Variants in PLTP observed in about 807,000 individuals in gnomAD.
PLTP encodes the protein BPI fold containing family E.
A neutral mutation model predicts 54.1 loss-of-function variants in PLTP; 43 were observed. The ratio of observed to expected loss-of-function variants is 0.79; its 90% confidence interval spans 0.62 to 1.02. The LOEUF is 1.02. Ranked by LOEUF, PLTP falls within the 50% of genes least tolerant of loss-of-function variation. The probability of loss-of-function intolerance (pLI) is 0.00; values close to 1 mark genes in which losing one functional copy is unlikely to be tolerated. For missense variants in PLTP, 604 were observed against 645.9 expected (o/e 0.94, Z 0.70); for synonymous variants, 263 against 264.6 (o/e 0.99, Z 0.06).
intron 4 of PLTP, 84 bp downstream of exon 4, chr20:45,909,858 G>A (rs553075017): frequency 1.9e-6 from 3 of 1,552,140 alleles, no homozygotes; most frequent in South Asian, 2.2e-5. Flanking sequence ...AACTCAGGAA[G>A]GCTAAGGGGG....
In PLTP at chr20:45,907,110, G is replaced by T. The variant is rs1322442821; in HGVS notation, c.613+582C>A. 3.4e-4 allele frequency among the ~76,000 whole-genome samples: 43 copies of T among 126,474 alleles called. 2 individuals carry two copies. Among genetic ancestry groups the T allele is most frequent in the Non-Finnish European group, 5.1e-4 (27 of 52,776 alleles). 83.0% of individuals were successfully genotyped at this position (126,474 alleles called of 152,430 possible). On this transcript the variant is annotated intron_variant, in intron 7 of 15. Transcript: ENST00000372431. ...TTGGGAGGCCAAGGTGGGCAGATCA[G>T]GAGGTCAGGAGATCGAGACCATCCC...
chr20:45,900,847 A>G (rs1265685777), intron 12 of PLTP, among the ~76,000 whole-genome samples: 3 of 152,188 alleles, frequency 2.0e-5, no homozygotes, highest in Non-Finnish European at 1.5e-5. Context: ...TAAAAAGTTA[A>G]TATTAGTAAA....
Position 45,906,340 on chromosome 20 carries a change from C to T in PLTP, c.633G>A (p.Glu211=), listed in dbSNP as rs2083238404. 6.2e-7 allele frequency: 1 copy of T among 1,613,902 alleles called. No individual in the cohort carries two copies. The highest frequency in any genetic ancestry group is 2.2e-5 in the East Asian group (1 of 44,868). ...DTVPVRSSVD[E]LVGIDYSLMK... The stretch of plus-strand genomic sequence containing the variant: ...TGAGGGAATAGTCAATGCCAACAAG[C>T]TCGTCCACAGAACTGCGCACTGCAG... Residue 211 remains glutamate, a synonymous_variant, in exon 8 of 16, where the codon GAG becomes GAA. Coordinates refer to ENST00000372431, the MANE Select transcript of PLTP (RefSeq NM_006227.4).
In PLTP at chr20:45,909,536, C is replaced by T. The variant is rs559294797; in HGVS notation, c.465G>A (p.Ala155=). 1.1e-4 allele frequency: 184 copies of T among 1,614,142 alleles called. 1 individual carries two copies. The South Asian group carries it at 1.7e-3, about 15-fold the overall frequency. The stretch of plus-strand genomic sequence containing the variant: ...CTTACTTGAAGGTTCCCCCGAAGGC[C>T]GCGTGCATTCTGGAGACAGAGGCCT... ...SCQASVSRMH[A]AFGGTFKKVY... The change falls in exon 5 of 16, where the codon GCG becomes GCA. Residue 155 remains alanine (A), a synonymous_variant. Transcript: ENST00000372431.
At position 45,911,196 on chromosome 20, in the gene PLTP, C is replaced by G. The variant is rs1804163; in HGVS notation, c.156G>C (p.Pro52=). 6.2e-7 allele frequency: 1 copy of G among 1,614,148 alleles called. No individual in the cohort carries two copies. Residue 52 remains proline (P), a synonymous_variant, in exon 3 of 16, where the codon CCG becomes CCC. Coordinates refer to ENST00000372431, the MANE Select transcript of PLTP (RefSeq NM_006227.4). ...AGTGGCCTTCTTTGCCCCGCAGGTC[C>G]GGAATGGTGATAGTCTCCAGCTCTT... ...LEQELETITI[P]DLRGKEGHFY... is the part of the protein sequence containing the mutation.
chr20:45,902,136 G>T, intron 12 of PLTP, 131 bp downstream of exon 12: 1 of 931,554 alleles, frequency 1.1e-6, no homozygotes, highest in Non-Finnish European at 1.7e-6. Context: ...AAGCACTTTG[G>T]CATGCATTAA....
In PLTP at chr20:45,909,408, C is replaced by T. The variant is rs907406679; in HGVS notation, c.485+108G>A. On this transcript the variant is annotated intron_variant, in intron 5 of 15. Transcript: ENST00000372431. ...ACAGCCAGGAAGTGACAGAGCTGAG[C>T]TTTGGACCCAGTTGGTCTGATTCCC... is the stretch of plus-strand genomic sequence containing the variant. 5.4e-5 allele frequency: 67 copies of T among 1,232,382 alleles called. 1 individual carries two copies. The highest frequency in any genetic ancestry group is 1.0e-4 in the Admixed American group (6 of 57,302). The allele number at this position is 1,232,382 out of a possible 1,614,324, so 76.3% of individuals were successfully genotyped here. A position where few individuals can be genotyped will look rare whatever the true frequency, so the allele number is the denominator to read the frequency against.
intron 7 of PLTP, among the ~76,000 whole-genome samples, chr20:45,907,315 G>A (rs2083249332): frequency 7.1e-6 from 1 of 141,310 alleles, no homozygotes. Flanking sequence ...AACAGAGTGA[G>A]ACTGTAAGAC....
intron 12 of PLTP, among the ~76,000 whole-genome samples, chr20:45,900,198 G>A (rs1280637632): frequency 1.4e-5 from 2 of 146,280 alleles, no homozygotes; most frequent in East Asian, 4.1e-4. Flanking sequence ...TCCGTCTCCC[G>A]GGTTCACGCC....
intron 4 of PLTP, 106 bp downstream of exon 4, chr20:45,909,836 T>G (rs1313109271): frequency 6.7e-7 from 1 of 1,489,246 alleles, no homozygotes; most frequent in Non-Finnish European, 9.3e-7. Context: ...GTTACACAGA[T>G]GAAGAAACGG....
chr20:45,899,314 C>T, intron 15 of PLTP, 148 bp downstream of exon 15: 1 of 935,094 alleles, frequency 1.1e-6, no homozygotes, highest in Non-Finnish European at 1.7e-6. Flanking sequence ...CAAGAAGTCA[C>T]AGTGTGTGCA....
In PLTP at chr20:45,904,845, C is replaced by T; in HGVS notation, c.897G>A (p.Leu299=). ...AGTAGGTGGCCCTCAGCAGCATGTC[C>T]AGGTCGTGGGGCACCTGAACAGGGG... ...LLVGDKVPHD[L]DMLLRATYFG... The change falls in exon 10 of 16, where the codon CTG becomes CTA. Residue 299 remains leucine (L), a synonymous_variant. Coordinates refer to ENST00000372431, the MANE Select transcript of PLTP (RefSeq NM_006227.4). The T allele has an allele frequency of 6.2e-7, 1 of 1,614,220 alleles. No homozygotes were observed. The highest frequency in any genetic ancestry group is 1.7e-5 in the Admixed American group (1 of 60,024).
intron 15 of PLTP, 41 bp from the exon 16 acceptor site, chr20:45,899,104 A>G: frequency 6.2e-7 from 1 of 1,613,568 alleles, no homozygotes; most frequent in Non-Finnish European, 8.5e-7. Context: ...TCATTCAGTT[A>G]TTGAGGCCAG....
chr20:45,899,811 A>ACCCCCCCCCCCCCCCC, intron 13 of PLTP, 25 bp downstream of exon 13: 2 of 211,036 alleles, frequency 9.5e-6, no homozygotes, highest in Admixed American at 8.1e-5. Flanking sequence ...AACCCAGCCC[A>ACCCCCCCCCCCCCCCC]GCCCACCCAC....
rs2083252482 is a variant in PLTP, at chr20:45,907,606, A to G, written c.613+86T>C. On this transcript the variant is annotated intron_variant, in intron 7 of 15. Transcript: ENST00000372431. ...TCCAGGGGCCACATTTGAACCCAGG[A>G]CTGTTCAACAGCAGGGCTCGGAAGG... The G allele has an allele frequency of 6.5e-6, 8 of 1,232,810 alleles. No homozygotes were observed. In the Admixed American group the frequency reaches 1.3e-4, roughly 21 times the overall value. The allele number at this position is 1,232,810 out of a possible 1,614,324, so 76.4% of individuals were successfully genotyped here.
rs757656864 is a variant in PLTP at position 45,910,012 on chromosome 20, C to T, written c.259G>A (p.Glu87Lys). The T allele has an allele frequency of 6.2e-7, 1 of 1,614,086 alleles. No homozygotes were observed. Among genetic ancestry groups the T allele is most frequent in the Non-Finnish European group, 8.5e-7 (1 of 1,180,004 alleles). ...GCATTGGTGATTTGAAGCATCAGCT[C>T]CTGCTGTGGCTGGAAATCGAGCTCG... ...SSELDFQPQQELMLQITNASL... is the reference protein window; with the variant it reads ...SSELDFQPQQKLMLQITNASL... The change falls in exon 4 of 16, where the codon GAG becomes AAG. Residue 87 changes from glutamate to lysine, a missense_variant. Coordinates refer to ENST00000372431, the MANE Select transcript of PLTP (RefSeq NM_006227.4).
In PLTP at chr20:45,902,352, G is replaced by A; in HGVS notation, c.1108-18C>T. ...CGGGCGTCCTGCAGGAACATGGGGA[G>A]GAGGATGTTACTGACCCAGAAGGTC... On this transcript the variant is annotated intron_variant, in intron 11 of 15. Transcript: ENST00000372431. 6.2e-7 allele frequency: 1 copy of A among 1,614,190 alleles called. No homozygotes were observed. Among genetic ancestry groups the A allele is most frequent in the Non-Finnish European group, 8.5e-7 (1 of 1,180,022 alleles).
At chr20:45,909,868 G>A (rs1417325406) in intron 4 of PLTP, 74 bp downstream of exon 4, 5 of 1,575,138 alleles carry the variant, frequency 3.2e-6, no homozygotes, top group Non-Finnish European at 4.4e-6. Context: ...GGCTAAGGGG[G>A]CTGCCCACAG....
Position 45,904,945 on chromosome 20 carries a change from G to C in PLTP, c.879C>G (p.Asp293Glu), listed in dbSNP as rs147279890. 2 of 1,614,196 alleles carry C rather than the reference G, an allele frequency of 1.2e-6. No individual in the cohort carries two copies. The highest frequency in any genetic ancestry group is 2.2e-5 in the East Asian group (1 of 44,892). ...CCACAAACAGGCCATGACATACCTT[G>C]TCCCCCACCAGCAACAGCTGCAGGG... is the stretch of plus-strand genomic sequence containing the variant. ...AGALQLLLVG[D>E]KVPHDLDMLL... The change falls in exon 9 of 16, where the codon GAC becomes GAG. Residue 293 changes from aspartate (D) to glutamate (E), a missense_variant. Physicochemically the swap from Asp to Glu is conservative, Grantham distance 45. Coordinates refer to ENST00000372431, the MANE Select transcript of PLTP (RefSeq NM_006227.4).
Sources: gnomAD v4.1 joint callset for allele counts (sites outside exome capture counted in the v4.1 genomes callset) on GRCh38, gnomAD v4.1.1 for gene constraint, MANE v1.5 for transcripts, NCBI Gene and HGNC (gene_info 2026-07-23, HGNC 2026-07-21) for gene names.